Variants in DNAJB1 observed in about 807,000 individuals in gnomAD.
DNAJB1 encodes DnaJ heat shock protein family (Hsp40) member B1.
Under a neutral mutation model 24.0 loss-of-function variants are expected in DNAJB1, and 14 were observed. That is an observed-to-expected ratio of 0.58 (90% CI 0.39 to 0.91). DNAJB1 has a LOEUF of 0.91. Among genes scored for constraint, DNAJB1 ranks in the 40% least tolerant of loss-of-function variants. The pLI, the probability that DNAJB1 is intolerant of heterozygous loss-of-function variation, is 0.00. For missense variants in DNAJB1, 517 were observed against 458.1 expected, an observed-to-expected ratio of 1.13 and a Z score of -1.17; for synonymous variants, 262 against 174.4, an observed-to-expected ratio of 1.50 and a Z score of -3.96.
At chr19:14,529,820 C>T (rs530850662), upstream of DNAJB1, 236 of 1,517,884 alleles carry the variant, frequency 1.6e-4, 1 homozygote, top group East Asian at 5.0e-3. Flanking sequence ...AAGGAAGAGC[C>T]AGACGGCGCA....
intron 1 of DNAJB1, among the ~76,000 whole-genome samples, chr19:14,540,916 C>T (rs1233096435): frequency 3.3e-5 from 5 of 152,144 alleles, no homozygotes; most frequent in Non-Finnish European, 1.5e-5. Context: ...TTCACTGCAA[C>T]TTCCGCTTTC....
At chr19:14,557,953 C>T (rs1370904924) in intron 1 of DNAJB1, among the ~76,000 whole-genome samples, 2 of 151,966 alleles carry the variant, frequency 1.3e-5, no homozygotes, top group Non-Finnish European at 2.9e-5. Flanking sequence ...GATGGGGTTT[C>T]ACCGTGTTAG....
At chr19:14,521,622 T>A (rs2072361121), upstream of DNAJB1, among the ~76,000 whole-genome samples, 2 of 151,954 alleles carry the variant, frequency 1.3e-5, no homozygotes, top group South Asian at 4.2e-4. Flanking sequence ...GTTCAGGAAG[T>A]TTTGTTTGTT....
upstream of DNAJB1, chr19:14,534,039 C>A (rs962829475): frequency 2.6e-5 from 4 of 152,164 alleles, no homozygotes; most frequent in Non-Finnish European, 5.9e-5. Context: ...CAGCCTCCAG[C>A]AGTCCAGGTC....
Position 14,516,791 on chromosome 19 carries a change from G to T in DNAJB1, c.467C>A (p.Ala156Asp). ...FGRSRSAQEP[A>D]RKKQDPPVTH... ...GACTGGGGGATCTTGCTTCTTTCGG[G>T]CGGGCTCTTGGGCAGAGCGGGAGCG... is the stretch of plus-strand genomic sequence containing the variant. The change falls in exon 2 of 3, where the codon GCC becomes GAC. Residue 156 changes from alanine to aspartate, a missense_variant. Physicochemically the swap from Ala to Asp is moderately radical, Grantham distance 126. Transcript: ENST00000254322. 6.2e-6 allele frequency: 10 copies of T among 1,613,884 alleles called. No homozygotes were observed. Among genetic ancestry groups the T allele is most frequent in the Non-Finnish European group, 8.5e-6 (10 of 1,180,012 alleles).
In DNAJB1 at chr19:14,517,170, A is replaced by T. The variant is rs1252076684; in HGVS notation, c.212-124T>A. 12 of 974,558 alleles carry T rather than the reference A, an allele frequency of 1.2e-5. No homozygotes were observed. The Admixed American group carries it at 2.6e-4, about 21-fold the overall frequency. 60.4% of individuals were successfully genotyped at this position (974,558 alleles called of 1,614,324 possible). On this transcript the variant is annotated intron_variant, in intron 1 of 2. Coordinates refer to ENST00000254322, the MANE Select transcript of DNAJB1 (RefSeq NM_006145.3). ...ACTTTTTTGTCTGTCAGGGGAGAGC[A>T]AGGAAGAACCCCAAGTTTCTACCTC...
chr19:14,518,298 C>T lies in DNAJB1; in HGVS notation c.52G>A (p.Glu18Lys), dbSNP rs768130288. ...CGGCGGTAGGCCCGCTTGATCTCCTCGTCCGACGCGCCGCGGGCCAGGCCC... is the reference window on the plus strand; with the variant it reads ...CGGCGGTAGGCCCGCTTGATCTCCTTGTCCGACGCGCCGCGGGCCAGGCCC... ...TLGLARGASD[E>K]EIKRAYRRQA... The change falls in exon 1 of 3, where the codon GAG (glutamate) becomes AAG (lysine). Residue 18 changes from glutamate to lysine, a missense_variant. Coordinates refer to ENST00000254322, the MANE Select transcript of DNAJB1 (RefSeq NM_006145.3). 7 of 1,608,462 alleles carry T rather than the reference C, an allele frequency of 4.4e-6. No homozygotes were observed. Among genetic ancestry groups the T allele is most frequent in the Non-Finnish European group, 5.9e-6 (7 of 1,178,856 alleles).
At chr19:14,547,360 ATTTTATT>A (rs755739743) in intron 1 of DNAJB1, among the ~76,000 whole-genome samples, 92 of 151,878 alleles carry the variant, frequency 6.1e-4, no homozygotes, top group Non-Finnish European at 9.3e-4. Context: ...ATTTTATTTT[ATTTTATT>A]TTATGTTTTT....
intron 2 of DNAJB1, among the ~76,000 whole-genome samples, chr19:14,525,165 G>A (rs1228783837): frequency 6.6e-6 from 1 of 151,984 alleles, no homozygotes; most frequent in Non-Finnish European, 1.5e-5. Flanking sequence ...CCCAGAAGGT[G>A]GAGGTTGCAG....
chr19:14,530,303 T>A (rs1290384117), upstream of DNAJB1: 1 of 158,040 alleles, frequency 6.3e-6, no homozygotes, highest in African/African-American at 2.4e-5. Context: ...AGAAATCTTA[T>A]ACCCACCCAC....
intron 1 of DNAJB1, among the ~76,000 whole-genome samples, chr19:14,556,275 A>G (rs1340864386): frequency 6.6e-6 from 1 of 151,990 alleles, no homozygotes; most frequent in Non-Finnish European, 1.5e-5. Flanking sequence ...CCCACTGTCT[A>G]CTGGCCTTTG....
chr19:14,551,934 T>TCTCC (rs1437295610), upstream of DNAJB1, among the ~76,000 whole-genome samples: 2 of 108,830 alleles, frequency 1.8e-5, no homozygotes, highest in Admixed American at 9.0e-5. Flanking sequence ...TCCCTCTCTC[T>TCTCC]CTCCCTCCCT....
chr19:14,524,313 GAGCCC>G (rs1186567412), intron 2 of DNAJB1, among the ~76,000 whole-genome samples: 1 of 152,068 alleles, frequency 6.6e-6, no homozygotes, highest in African/African-American at 2.4e-5. Context: ...AGGATCACTT[GAGCCC>G]AGGAGTTCCA....
chr19:14,554,983 T>A (rs1310263352), upstream of DNAJB1, among the ~76,000 whole-genome samples: 1 of 151,860 alleles, frequency 6.6e-6, no homozygotes, highest in Non-Finnish European at 1.5e-5. Flanking sequence ...TTCACCATGT[T>A]AGCCTGGCTG....
chr19:14,550,056 A>G (rs1034204873), intron 1 of DNAJB1, among the ~76,000 whole-genome samples: 1 of 151,804 alleles, frequency 6.6e-6, no homozygotes, highest in Non-Finnish European at 1.5e-5. Flanking sequence ...AACATATTAC[A>G]TATAGCGATT....
upstream of DNAJB1, among the ~76,000 whole-genome samples, chr19:14,554,888 C>G (rs1383039668): frequency 2.0e-5 from 3 of 151,992 alleles, no homozygotes; most frequent in Non-Finnish European, 4.4e-5. Context: ...AATCGATTCT[C>G]TTGCCTCAGC....
chr19:14,537,632 A>T (rs1268614845), intron 1 of DNAJB1, among the ~76,000 whole-genome samples: 1 of 152,078 alleles, frequency 6.6e-6, no homozygotes, highest in Non-Finnish European at 1.5e-5. Context: ...CTTCTTGCTG[A>T]TACTGATAGT....
intron 1 of DNAJB1, among the ~76,000 whole-genome samples, chr19:14,539,345 T>C (rs1391948269): frequency 6.6e-6 from 1 of 151,932 alleles, no homozygotes; most frequent in African/African-American, 2.4e-5. Flanking sequence ...GGGAAGACCC[T>C]TGGGGAAGTC....
At chr19:14,543,378 T>A (rs1362811735) in intron 1 of DNAJB1, among the ~76,000 whole-genome samples, 1 of 129,464 alleles carries the variant, frequency 7.7e-6, no homozygotes, top group Non-Finnish European at 1.6e-5. Flanking sequence ...GTATACTACT[T>A]GTTTCAGAGA....
Sources: allele counts gnomAD v4.1 joint callset (sites outside exome capture counted in the v4.1 genomes callset), GRCh38; gene constraint gnomAD v4.1.1; transcripts MANE v1.5; gene names NCBI Gene and HGNC (gene_info 2026-07-23, HGNC 2026-07-21).